Variants in CASK observed in about 807,000 individuals in gnomAD.
CASK encodes the protein calcium/calmodulin dependent serine protein kinase.
In CASK, 4 loss-of-function variants were observed where a neutral mutation model predicts 82.9. The observed-to-expected ratio is 0.05, with a 90% CI of 0.02 to 0.11. CASK has a LOEUF of 0.11. Ranked by LOEUF, CASK falls within the 10% of genes least tolerant of loss-of-function variation. CASK has a pLI of 1.00. For synonymous variants in CASK, 259 were observed against 253.5 expected (o/e 1.02, Z -0.20); for missense variants, 358 against 720.9 (o/e 0.50, Z 5.76).
chrX:41,665,792 A>G (rs963078672), intron 6 of CASK: 3 of 207,401 alleles, frequency 1.4e-5, no homozygotes, highest in Admixed American at 6.9e-5. Flanking sequence ...CACCAAATAT[A>G]TAGAGCAGAG....
intron 1 of CASK, among the ~76,000 whole-genome samples, chrX:41,922,049 A>G (rs1230293799): frequency 9.0e-6 from 1 of 111,709 alleles, no homozygotes; most frequent in Non-Finnish European, 1.9e-5. Flanking sequence ...AATTAGCAGG[A>G]TTGTGCACTT....
chrX:41,776,395 C>T (rs1326905246), intron 3 of CASK, among the ~76,000 whole-genome samples: 1 of 112,649 alleles, frequency 8.9e-6, no homozygotes, highest in East Asian at 2.8e-4. Context: ...AATTCATGAT[C>T]CATTCATGCT....
At chrX:41,554,073 C>T (rs985715471) in intron 20 of CASK, among the ~76,000 whole-genome samples, 158 bp from the exon 21 acceptor site, 1 of 112,206 alleles carries the variant, frequency 8.9e-6, no homozygotes, top group African/African-American at 3.2e-5. Context: ...AAACTTCTAC[C>T]GCTAGAAACA....
At chrX:41,870,645 T>A (rs768044814) in intron 1 of CASK, among the ~76,000 whole-genome samples, 1 of 112,440 alleles carries the variant, frequency 8.9e-6, no homozygotes, top group South Asian at 3.7e-4. Flanking sequence ...AACATGTAAA[T>A]CAGGAAGGAA....
intron 2 of CASK, among the ~76,000 whole-genome samples, chrX:41,839,481 G>A (rs1341736146): frequency 1.8e-5 from 2 of 108,835 alleles, no homozygotes; most frequent in Middle Eastern, 4.8e-3. Flanking sequence ...CTGATTTTTC[G>A]TATGTTTATC....
At chrX:41,855,749 T>C (rs1240745443) in intron 1 of CASK, among the ~76,000 whole-genome samples, 2 of 112,028 alleles carry the variant, frequency 1.8e-5, no homozygotes, top group African/African-American at 6.5e-5. Flanking sequence ...TTATAAGCCG[T>C]CATCATAAAC....
At chrX:41,594,497 T>C (rs1394466880) in intron 12 of CASK, among the ~76,000 whole-genome samples, 1 of 112,085 alleles carries the variant, frequency 8.9e-6, no homozygotes, top group Non-Finnish European at 1.9e-5. Context: ...CTTGGTACAC[T>C]AGAAAGGATC....
At chrX:41,576,061 G>A (rs771084459) in intron 15 of CASK, among the ~76,000 whole-genome samples, 5 of 108,572 alleles carry the variant, frequency 4.6e-5, no homozygotes, top group Admixed American at 3.0e-4. Flanking sequence ...TGCAACCTCC[G>A]CCTCCCGGGT....
chrX:41,699,443 T>C (rs936234676), intron 5 of CASK, among the ~76,000 whole-genome samples: 2 of 111,810 alleles, frequency 1.8e-5, no homozygotes, highest in Non-Finnish European at 3.8e-5. Flanking sequence ...TTTCTGTTTG[T>C]ATGGTTTTAA....
chrX:41,883,735 T>A (rs767677017), intron 1 of CASK, among the ~76,000 whole-genome samples: 8 of 111,503 alleles, frequency 7.2e-5, no homozygotes, highest in Non-Finnish European at 1.3e-4. Flanking sequence ...AACAGTAATA[T>A]GTTAGCTATG....
At chrX:41,807,585 C>T (rs1287533597) in intron 2 of CASK, among the ~76,000 whole-genome samples, 4 of 111,343 alleles carry the variant, frequency 3.6e-5, no homozygotes, top group Non-Finnish European at 5.6e-5. Context: ...ATAACAGAAA[C>T]CCACAGACTG....
chrX:41,889,406 T>C (rs1391076521), intron 1 of CASK, among the ~76,000 whole-genome samples: 1 of 110,890 alleles, frequency 9.0e-6, no homozygotes, highest in Non-Finnish European at 1.9e-5. Flanking sequence ...ATTAGTGATG[T>C]TGAGCATTTT....
chrX:41,708,141 A>T (rs1485835962), intron 5 of CASK, among the ~76,000 whole-genome samples: 1 of 108,565 alleles, frequency 9.2e-6, no homozygotes, highest in Non-Finnish European at 1.9e-5. Flanking sequence ...AAAAAAAATT[A>T]CCACTTAAGT....
chrX:41,705,176 C>T (rs1266099363), intron 5 of CASK, among the ~76,000 whole-genome samples: 1 of 112,048 alleles, frequency 8.9e-6, no homozygotes, highest in African/African-American at 3.3e-5. Flanking sequence ...GTAACAGATC[C>T]ATTGTATTTT....
At chrX:41,563,984 G>A (rs2065271874) in intron 16 of CASK, among the ~76,000 whole-genome samples, 1 of 111,548 alleles carries the variant, frequency 9.0e-6, no homozygotes, top group South Asian at 3.7e-4. Context: ...AAATACAAGA[G>A]AGGAAAATTA....
chrX:41,796,007 G>A (rs1252863882), intron 2 of CASK, among the ~76,000 whole-genome samples: 4 of 111,549 alleles, frequency 3.6e-5, no homozygotes, highest in Middle Eastern at 4.6e-3. Flanking sequence ...TTGTGGCACC[G>A]AGGATCTTTC....
At chrX:41,803,229 T>G (rs902645282) in intron 2 of CASK, among the ~76,000 whole-genome samples, 1 of 110,853 alleles carries the variant, frequency 9.0e-6, no homozygotes, top group African/African-American at 3.3e-5. Context: ...TGGGGTTGAA[T>G]GTACCGAGGA....
intron 2 of CASK, among the ~76,000 whole-genome samples, chrX:41,803,121 C>T (rs911255280): frequency 9.0e-6 from 1 of 110,945 alleles, no homozygotes; most frequent in Non-Finnish European, 1.9e-5. Flanking sequence ...GCCCAGCAGG[C>T]CAGGACAGCA....
Position 41,766,402 on chromosome X carries a change from C to A in CASK, c.278+20776G>T, listed in dbSNP as rs190770706. 4.3e-3 allele frequency among the ~76,000 whole-genome samples: 485 copies of A among 112,218 alleles called. 3 individuals carry two copies. The highest frequency in any genetic ancestry group is 0.014 in the Middle Eastern group (3 of 216). ...TAAAAAGTTAAAAACTATGTAATTT[C>A]TTTCTCACTTAAAAAAACTTTATAT... is the stretch of plus-strand genomic sequence containing the variant. On this transcript the variant is annotated intron_variant, in intron 3 of 26. Transcript: ENST00000378163.
Sources: gnomAD v4.1 joint callset for allele counts (sites outside exome capture counted in the v4.1 genomes callset) on GRCh38, gnomAD v4.1.1 for gene constraint, MANE v1.5 for transcripts, NCBI Gene and HGNC (gene_info 2026-07-23, HGNC 2026-07-21) for gene names.